SHANK2: variants seen among roughly 807,000 people sequenced by gnomAD.
SHANK2 encodes the protein SH3 and multiple ankyrin repeat domains protein 2.
Under a neutral mutation model 133.7 loss-of-function variants are expected in SHANK2, and 43 were observed. That is an observed-to-expected ratio of 0.32 (90% CI 0.25 to 0.41). SHANK2 has a LOEUF of 0.41. Ranked by LOEUF, SHANK2 falls within the 10% of genes least tolerant of loss-of-function variation. SHANK2 has a pLI of 1.00. For missense variants in SHANK2, 1,994 were observed against 2,235.8 expected (o/e 0.89, Z 2.18); for synonymous variants, 1,017 against 952.8 (o/e 1.07, Z -1.24).
At chr11:70,896,695 A>G (rs1032585625) in intron 10 of SHANK2, 128 bp from the exon 11 acceptor site, 1 of 621,106 alleles carries the variant, frequency 1.6e-6, no homozygotes, top group African/African-American at 1.8e-5. Context: ...GGCAGCCGCA[A>G]TATCAACACT....
In SHANK2 at chr11:70,804,530, C is replaced by T. The variant is rs534148038; in HGVS notation, c.1663+2472G>A. 9.8e-4 allele frequency among the ~76,000 whole-genome samples: 149 copies of T among 152,264 alleles called. 1 individual carries two copies. The highest frequency in any genetic ancestry group is 2.9e-4 in the Non-Finnish European group (20 of 68,008). On this transcript the variant is annotated intron_variant, in intron 13 of 25. Transcript: ENST00000601538. The surrounding 1 kb of genome is among the most constrained non-coding windows in gnomAD (Gnocchi z 4.1). Reference sequence around the variant, plus strand: ...GGAGAAAGGCCCAGCTCCCCGCACGCCCCACGCTCCTGCGAGGGGCGGGTT... The same window carrying T: ...GGAGAAAGGCCCAGCTCCCCGCACGTCCCACGCTCCTGCGAGGGGCGGGTT...
chr11:71,186,802 A>G (rs1214925080), intron 2 of SHANK2, among the ~76,000 whole-genome samples: 1 of 152,232 alleles, frequency 6.6e-6, no homozygotes, highest in Non-Finnish European at 1.5e-5. Flanking sequence ...AAAAGGTTGT[A>G]GGAAACGTGT....
intron 17 of SHANK2, among the ~76,000 whole-genome samples, chr11:70,649,163 G>A (rs1443193758): frequency 6.6e-6 from 1 of 152,134 alleles, no homozygotes; most frequent in East Asian, 1.9e-4. Context: ...TGCAACCCCA[G>A]CCCTGAGGGT....
At chr11:70,711,910 C>T (rs1945792706) in intron 14 of SHANK2, among the ~76,000 whole-genome samples, 1 of 152,206 alleles carries the variant, frequency 6.6e-6, no homozygotes, top group South Asian at 2.1e-4. Context: ...CACGTCACAG[C>T]ACACGGACCT....
chr11:71,246,745 GAGGGGGTGGTGCAGCTCC>G (rs1364895409), intron 1 of SHANK2, among the ~76,000 whole-genome samples: 1 of 152,136 alleles, frequency 6.6e-6, no homozygotes, highest in Admixed American at 6.5e-5. Context: ...GGAAGCTGGT[GAGGGGGTGGTGCAGCTCC>G]AGGTGAAGGG....
chr11:70,697,256 C>T (rs1046520922), intron 15 of SHANK2, among the ~76,000 whole-genome samples: 43 of 152,186 alleles, frequency 2.8e-4, no homozygotes, highest in Admixed American at 3.9e-4. Context: ...AACAAATGGT[C>T]GGAATAGGAA....
At chr11:70,478,603 C>A (rs139650126) in intron 25 of SHANK2, among the ~76,000 whole-genome samples, 1 of 152,164 alleles carries the variant, frequency 6.6e-6, no homozygotes, top group Non-Finnish European at 1.5e-5. Context: ...CTAGCTTCCC[C>A]GAGGCCTGGA....
At chr11:70,845,824 G>T (rs1194895257) in intron 11 of SHANK2, among the ~76,000 whole-genome samples, 3 of 152,212 alleles carry the variant, frequency 2.0e-5, no homozygotes, top group African/African-American at 7.2e-5. Context: ...TGCAGCAGAG[G>T]CTGAAAATAG....
intron 10 of SHANK2, chr11:70,948,325 G>C (rs1555085848): frequency 2.2e-6 from 1 of 457,368 alleles, no homozygotes; most frequent in Admixed American, 2.3e-5. Context: ...AGAGAGCAGA[G>C]TGTGGTGTGG....
At chr11:70,943,177 T>C (rs1290062361) in intron 10 of SHANK2, 8 of 440,960 alleles carry the variant, frequency 1.8e-5, no homozygotes, top group Non-Finnish European at 3.2e-5. Flanking sequence ...ATTGAGAAGA[T>C]GGTGCTCAGT....
intron 13 of SHANK2, among the ~76,000 whole-genome samples, chr11:70,802,488 G>A (rs1555050757): frequency 6.6e-6 from 1 of 152,208 alleles, no homozygotes; most frequent in African/African-American, 2.4e-5. Flanking sequence ...CACTGCGGAG[G>A]AGGGAGGAAC....
intron 13 of SHANK2, among the ~76,000 whole-genome samples, chr11:70,800,024 GT>G (rs552326536): frequency 8.1e-5 from 12 of 148,244 alleles, no homozygotes; most frequent in East Asian, 2.0e-4. Flanking sequence ...ATATCTTAGG[GT>G]TTTTTTTTTG....
At chr11:70,691,348 C>T (rs1945285514) in intron 15 of SHANK2, among the ~76,000 whole-genome samples, 2 of 152,088 alleles carry the variant, frequency 1.3e-5, no homozygotes, top group South Asian at 4.2e-4. Context: ...GAGGGGGACA[C>T]TCAGGTCCCC....
chr11:70,627,655 T>C (rs2060922259), intron 17 of SHANK2, among the ~76,000 whole-genome samples: 2 of 152,222 alleles, frequency 1.3e-5, no homozygotes, highest in Admixed American at 1.3e-4. Context: ...TATAATCACA[T>C]ATATCCTGGA....
At chr11:70,565,966 T>C (rs1330311937) in intron 17 of SHANK2, among the ~76,000 whole-genome samples, 1 of 152,202 alleles carries the variant, frequency 6.6e-6, no homozygotes, top group Non-Finnish European at 1.5e-5. Flanking sequence ...GGGTAATTTA[T>C]GTAGAAAAAA....
At chr11:70,757,409 C>A (rs1946897996) in intron 14 of SHANK2, among the ~76,000 whole-genome samples, 1 of 152,252 alleles carries the variant, frequency 6.6e-6, no homozygotes, top group Admixed American at 6.5e-5. Context: ...CCCTAGCTGG[C>A]ATCTGGGAGC....
intron 14 of SHANK2, among the ~76,000 whole-genome samples, chr11:70,749,483 C>T (rs1419312579): frequency 6.6e-6 from 1 of 152,178 alleles, no homozygotes; most frequent in East Asian, 1.9e-4. Flanking sequence ...ATCTACACAA[C>T]ATAATACTCA....
At chr11:70,905,770 T>C (rs1182678851) in intron 10 of SHANK2, among the ~76,000 whole-genome samples, 1 of 151,824 alleles carries the variant, frequency 6.6e-6, no homozygotes, top group African/African-American at 2.4e-5. Context: ...AACAGATCCA[T>C]GCCTATTGTT....
intron 10 of SHANK2, among the ~76,000 whole-genome samples, chr11:70,936,898 A>G (rs1555083527): frequency 2.0e-5 from 3 of 152,244 alleles, no homozygotes. Context: ...TTCAGCCAGC[A>G]CTGGGTTTCC....
Sources: allele counts gnomAD v4.1 joint callset (sites outside exome capture counted in the v4.1 genomes callset), GRCh38; gene constraint gnomAD v4.1.1; non-coding constraint Gnocchi (gnomAD v3.1); transcripts MANE v1.5; gene names NCBI Gene and HGNC (gene_info 2026-07-23, HGNC 2026-07-21).